The following MLLT3 variants were observed in gnomAD, a reference collection of about 807,000 sequenced individuals.
MLLT3 encodes the protein protein AF-9.
Under a neutral mutation model 53.2 loss-of-function variants are expected in MLLT3, and 4 were observed. The observed-to-expected ratio is 0.08, with a 90% CI of 0.04 to 0.17. The LOEUF (loss-of-function observed/expected upper bound fraction) is 0.17. Ranked by LOEUF, MLLT3 falls within the 10% of genes least tolerant of loss-of-function variation. The pLI, the probability that MLLT3 is intolerant of heterozygous loss-of-function variation, is 1.00. For missense variants in MLLT3, 569 were observed against 684.0 expected, an observed-to-expected ratio of 0.83 and a Z score of 1.87; for synonymous variants, 283 against 230.6, an observed-to-expected ratio of 1.23 and a Z score of -2.06.
chr9:20,493,341 A>G (rs563069416), intron 2 of MLLT3, among the ~76,000 whole-genome samples: 1 of 152,194 alleles, frequency 6.6e-6, no homozygotes, highest in South Asian at 2.1e-4. Context: ...TGTTAAAGAT[A>G]GAACCAGGTT....
chr9:20,499,306 A>G (rs2118936588), intron 2 of MLLT3, among the ~76,000 whole-genome samples: 1 of 152,320 alleles, frequency 6.6e-6, no homozygotes, highest in South Asian at 2.1e-4. Context: ...TTAGGATTCA[A>G]CATATATTTG....
At chr9:20,576,681 G>T (rs1296612772) in intron 2 of MLLT3, among the ~76,000 whole-genome samples, 1 of 152,164 alleles carries the variant, frequency 6.6e-6, no homozygotes, top group East Asian at 1.9e-4. Context: ...TAACATCAAC[G>T]ATCACTGATC....
chr9:20,453,175 CAT>C (rs1823878144), intron 3 of MLLT3, among the ~76,000 whole-genome samples: 1 of 152,066 alleles, frequency 6.6e-6, no homozygotes, highest in Non-Finnish European at 1.5e-5. Flanking sequence ...AAATTAGTAA[CAT>C]ATAGAAAAGT....
At chr9:20,449,177 C>T (rs573713634) in intron 3 of MLLT3, among the ~76,000 whole-genome samples, 79 of 152,194 alleles carry the variant, frequency 5.2e-4, no homozygotes, top group Non-Finnish European at 7.4e-4. Context: ...GAATAATTGC[C>T]TTCTTATTAT....
rs916161428 is a variant in MLLT3, at chr9:20,560,630, G to T, written c.193+60024C>A. Among the ~76,000 whole-genome samples, 20 of 152,298 alleles carry T rather than the reference G, an allele frequency of 1.3e-4. 1 individual carries two copies. The East Asian group carries it at 3.7e-3, about 28-fold the overall frequency. On this transcript the variant is annotated intron_variant, in intron 2 of 10. Transcript: ENST00000380338. ...AAAACCTAATAGTAGAAGAAGCTGG[G>T]TGTGAAGGTCCTCAGGGAATAACAT...
At chr9:20,370,707 C>T (rs899133531) in intron 5 of MLLT3, among the ~76,000 whole-genome samples, 11 of 152,048 alleles carry the variant, frequency 7.2e-5, no homozygotes, top group Non-Finnish European at 1.0e-4. Context: ...GATGGGGTTT[C>T]GCCATGTTAG....
intron 2 of MLLT3, among the ~76,000 whole-genome samples, chr9:20,518,474 G>C (rs923968560): frequency 3.3e-5 from 5 of 152,104 alleles, no homozygotes; most frequent in African/African-American, 1.2e-4. Context: ...AACTGCTCCA[G>C]GCAAAATGCA....
At chr9:20,359,387 C>G (rs1406860520) in intron 8 of MLLT3, among the ~76,000 whole-genome samples, 1 of 152,078 alleles carries the variant, frequency 6.6e-6, no homozygotes, top group Non-Finnish European at 1.5e-5. Flanking sequence ...GCCATGAGCA[C>G]AGCTGGCCCT....
rs192746219 is a variant in MLLT3 at position 20,516,311 on chromosome 9, G to A, written c.194-59525C>T. On this transcript the variant is annotated intron_variant, in intron 2 of 10. Transcript: ENST00000380338. ...TTTCTAATCGCACTCCAATCTGATAGGCAGCCTCACAAAAATATGTAGAAA... is the reference window on the plus strand; with the variant it reads ...TTTCTAATCGCACTCCAATCTGATAAGCAGCCTCACAAAAATATGTAGAAA... Among the ~76,000 whole-genome samples, 64 of 152,174 alleles carry A rather than the reference G, an allele frequency of 4.2e-4. 1 individual carries two copies. In the East Asian group the frequency reaches 0.012, roughly 28 times the overall value.
rs192479735 is a variant in MLLT3 at position 20,354,797 on chromosome 9, T to C, written c.1503+11A>G. 6.3e-7 allele frequency: 1 copy of C among 1,593,184 alleles called. No homozygotes were observed. Among genetic ancestry groups the C allele is most frequent in the East Asian group, 2.2e-5 (1 of 44,746 alleles). On this transcript the variant is annotated intron_variant, in intron 9 of 10. Transcript: ENST00000380338. Reference sequence around the variant, plus strand: ...TGTTGGAGCCCTCCTAGTAACAGACTAGAAACCTACCTTGTCACATTCACC... The same window carrying C: ...TGTTGGAGCCCTCCTAGTAACAGACCAGAAACCTACCTTGTCACATTCACC...
At chr9:20,554,113 T>G (rs1024009991) in intron 2 of MLLT3, among the ~76,000 whole-genome samples, 1 of 152,190 alleles carries the variant, frequency 6.6e-6, no homozygotes, top group African/African-American at 2.4e-5. Context: ...AATTTCATAT[T>G]TAGGATTTTT....
At chr9:20,396,773 T>C (rs997544662) in intron 5 of MLLT3, among the ~76,000 whole-genome samples, 4 of 152,056 alleles carry the variant, frequency 2.6e-5, no homozygotes, top group Non-Finnish European at 5.9e-5. Context: ...GACACTGTCA[T>C]TGATAAAATG....
At chr9:20,560,734 C>T (rs1819181964) in intron 2 of MLLT3, among the ~76,000 whole-genome samples, 1 of 151,952 alleles carries the variant, frequency 6.6e-6, no homozygotes, top group African/African-American at 2.4e-5. Flanking sequence ...GAGAGGATAG[C>T]CTTACACTCT....
At chr9:20,521,666 G>A (rs1818062618) in intron 2 of MLLT3, among the ~76,000 whole-genome samples, 1 of 152,148 alleles carries the variant, frequency 6.6e-6, no homozygotes. Flanking sequence ...CTCTAAGCAG[G>A]AAGAAATGGT....
At chr9:20,385,030 T>G (rs1822000587) in intron 5 of MLLT3, among the ~76,000 whole-genome samples, 1 of 152,116 alleles carries the variant, frequency 6.6e-6, no homozygotes. Flanking sequence ...AAAAGTTACC[T>G]CTAGACTCAG....
intron 2 of MLLT3, among the ~76,000 whole-genome samples, chr9:20,488,332 A>G (rs1824864622): frequency 6.6e-6 from 1 of 152,152 alleles, no homozygotes; most frequent in African/African-American, 2.4e-5. Flanking sequence ...ACTGAACTGT[A>G]CACTTAAAAA....
chr9:20,350,488 G>T (rs1170081263), intron 10 of MLLT3, among the ~76,000 whole-genome samples: 1 of 150,040 alleles, frequency 6.7e-6, no homozygotes, highest in Non-Finnish European at 1.5e-5. Flanking sequence ...CCAGCTACTT[G>T]GGAGGCTGAG....
intron 2 of MLLT3, among the ~76,000 whole-genome samples, chr9:20,478,603 A>G (rs889510160): frequency 6.6e-6 from 1 of 152,176 alleles, no homozygotes; most frequent in Admixed American, 6.5e-5. Context: ...TGCTCTGCAC[A>G]TGATCACTAT....
chr9:20,445,902 T>C (rs1823683262), intron 4 of MLLT3, among the ~76,000 whole-genome samples: 1 of 152,204 alleles, frequency 6.6e-6, no homozygotes, highest in Non-Finnish European at 1.5e-5. Context: ...CGTGAACTCA[T>C]TTCTCATTAA....
Sources: gnomAD v4.1 joint callset for allele counts (sites outside exome capture counted in the v4.1 genomes callset) on GRCh38, gnomAD v4.1.1 for gene constraint, MANE v1.5 for transcripts, NCBI Gene and HGNC (gene_info 2026-07-23, HGNC 2026-07-21) for gene names.